The following TGS1 variants were observed in gnomAD, a reference collection of about 807,000 sequenced individuals.
TGS1 encodes trimethylguanosine synthase.
Under a neutral mutation model 92.2 loss-of-function variants are expected in TGS1, and 69 were observed. That is an observed-to-expected ratio of 0.75 (90% CI 0.62 to 0.91). TGS1 has a LOEUF of 0.91. Ranked by LOEUF, TGS1 falls within the 40% of genes least tolerant of loss-of-function variation. TGS1 has a pLI of 0.00. For synonymous variants in TGS1, 345 were observed against 338.1 expected, an observed-to-expected ratio of 1.02 and a Z score of -0.22; for missense variants, 1,062 against 1,001.2, an observed-to-expected ratio of 1.06 and a Z score of -0.82.
intron 1 of TGS1, among the ~76,000 whole-genome samples, chr8:55,777,826 A>G (rs904769033): frequency 3.3e-5 from 5 of 152,084 alleles, no homozygotes; most frequent in African/African-American, 1.2e-4. Flanking sequence ...TGTGGCTACC[A>G]TTATGTTGAT....
chr8:55,819,353 A>G (rs1331980718), intron 12 of TGS1, among the ~76,000 whole-genome samples: 2 of 137,922 alleles, frequency 1.5e-5, no homozygotes, highest in East Asian at 2.1e-4. Context: ...CTGGAGTGCA[A>G]TGGCCTGATC....
chr8:55,780,176 CTTTTT>C (rs1379304311), intron 1 of TGS1, among the ~76,000 whole-genome samples: 1 of 107,102 alleles, frequency 9.3e-6, no homozygotes, highest in African/African-American at 3.6e-5. Flanking sequence ...TTTTTTTTTT[CTTTTT>C]TTTTTTGAGT....
chr8:55,785,681 G>A (rs780644799), intron 2 of TGS1, 38 bp from the exon 3 acceptor site: 36 of 1,429,876 alleles, frequency 2.5e-5, no homozygotes, highest in Non-Finnish European at 3.2e-5. Context: ...TGCCTCTTAA[G>A]TTTTCCTTAA....
chr8:55,802,136 G>A (rs1340528385), intron 8 of TGS1, among the ~76,000 whole-genome samples: 2 of 152,172 alleles, frequency 1.3e-5, no homozygotes, highest in African/African-American at 4.8e-5. Context: ...GGAGCTTGCA[G>A]TGAGCCAAGA....
chr8:55,783,569 G>A (rs1811628388), intron 2 of TGS1, among the ~76,000 whole-genome samples: 2 of 152,168 alleles, frequency 1.3e-5, no homozygotes, highest in South Asian at 4.1e-4. Flanking sequence ...TGTCATCTTG[G>A]TTAACTTTCC....
Position 55,785,712 on chromosome 8 carries a change from T to A in TGS1, c.167-7T>A. ...CTTAAAACTAAGCTAATAAATGGTG[T>A]CTATAGGAGACCAGGCGACAGAAGA... On this transcript the variant is annotated splice_polypyrimidine_tract_variant and splice_region_variant and intron_variant, in intron 2 of 12. Transcript: ENST00000260129. 2 of 1,587,636 alleles carry A rather than the reference T, an allele frequency of 1.3e-6. No homozygotes were observed. The highest frequency in any genetic ancestry group is 1.7e-6 in the Non-Finnish European group (2 of 1,169,248).
intron 10 of TGS1, among the ~76,000 whole-genome samples, chr8:55,806,356 C>CAAAAAAA (rs1047234489): frequency 8.1e-4 from 31 of 38,314 alleles, no homozygotes; most frequent in Middle Eastern, 0.014. Flanking sequence ...GACTCCACCT[C>CAAAAAAA]AAAAAAAAAA....
intron 1 of TGS1, among the ~76,000 whole-genome samples, chr8:55,774,467 T>G (rs889524596): frequency 3.3e-5 from 5 of 152,258 alleles, no homozygotes; most frequent in African/African-American, 9.6e-5. Flanking sequence ...GATTTAAGTT[T>G]GAAGGAATTC....
intron 6 of TGS1, among the ~76,000 whole-genome samples, chr8:55,794,302 C>T (rs1163657536): frequency 6.6e-6 from 1 of 152,160 alleles, no homozygotes; most frequent in East Asian, 1.9e-4. Flanking sequence ...GTGATCCTCC[C>T]ATCTCAGCCT....
At chr8:55,817,550 G>A (rs571192785) in intron 12 of TGS1, among the ~76,000 whole-genome samples, 8 of 152,256 alleles carry the variant, frequency 5.3e-5, no homozygotes, top group African/African-American at 1.9e-4. Flanking sequence ...AATATTCTAA[G>A]TAGTTATAGT....
intron 9 of TGS1, 32 bp from the exon 10 acceptor site, chr8:55,804,861 A>G: frequency 1.2e-6 from 2 of 1,603,748 alleles, no homozygotes; most frequent in South Asian, 2.2e-5. Context: ...CTTGAAATTG[A>G]ACATGCTAAC....
At chr8:55,779,576 C>A (rs1811501892) in intron 1 of TGS1, among the ~76,000 whole-genome samples, 1 of 152,242 alleles carries the variant, frequency 6.6e-6, no homozygotes, top group African/African-American at 2.4e-5. Flanking sequence ...ACCTTGCAGT[C>A]AGTGGCAGCC....
intron 5 of TGS1, among the ~76,000 whole-genome samples, chr8:55,790,970 C>G (rs1563455976): frequency 7.4e-6 from 1 of 134,418 alleles, no homozygotes; most frequent in African/African-American, 2.9e-5. Context: ...CATATCTTCT[C>G]TCTCTCTCTC....
chr8:55,802,647 C>T, intron 9 of TGS1, 41 bp downstream of exon 9: 1 of 1,546,446 alleles, frequency 6.5e-7, no homozygotes, highest in Non-Finnish European at 8.8e-7. Flanking sequence ...TTTGAAACCA[C>T]TTCAAACTTA....
At chr8:55,812,183 A>C (rs1803357587) in intron 11 of TGS1, among the ~76,000 whole-genome samples, 1 of 152,030 alleles carries the variant, frequency 6.6e-6, no homozygotes, top group East Asian at 1.9e-4. Context: ...CTCCACCGTA[A>C]TCATCTGTTT....
intron 12 of TGS1, among the ~76,000 whole-genome samples, chr8:55,815,966 G>A (rs1803464060): frequency 6.7e-6 from 1 of 150,266 alleles, no homozygotes; most frequent in Non-Finnish European, 1.5e-5. Flanking sequence ...TTTATTTATG[G>A]AGATAGGGTT....
intron 1 of TGS1, among the ~76,000 whole-genome samples, chr8:55,776,394 C>T (rs897813526): frequency 6.6e-6 from 1 of 151,590 alleles, no homozygotes; most frequent in Admixed American, 6.6e-5. Flanking sequence ...CATTCTCCTG[C>T]CTCAGCCCAC....
intron 10 of TGS1, among the ~76,000 whole-genome samples, chr8:55,808,035 G>T (rs1046793589): frequency 6.6e-6 from 1 of 152,176 alleles, no homozygotes; most frequent in Admixed American, 6.5e-5. Flanking sequence ...TCCTTGCTCG[G>T]TCTAGTCAGA....
Position 55,799,013 on chromosome 8 carries a change from G to C in TGS1, c.1642G>C (p.Asp548His). ...DNVHDASTSSDSEEQDMSVKK... is the reference protein window; with the variant it reads ...DNVHDASTSSHSEEQDMSVKK... Reference sequence around the variant, plus strand: ...TGTGCACGACGCTTCCACAAGTAGTGATTCAGAGGAACAAGACATGTCTGT... The same window carrying C: ...TGTGCACGACGCTTCCACAAGTAGTCATTCAGAGGAACAAGACATGTCTGT... The change falls in exon 8 of 13, where the codon GAT becomes CAT. Residue 548 changes from aspartate to histidine, a missense_variant. Coordinates refer to ENST00000260129, the MANE Select transcript of TGS1 (RefSeq NM_024831.8). 6.2e-7 allele frequency: 1 copy of C among 1,614,182 alleles called. No individual in the cohort carries two copies. The highest frequency in any genetic ancestry group is 8.5e-7 in the Non-Finnish European group (1 of 1,180,016).
Sources: gnomAD v4.1 joint callset for allele counts (sites outside exome capture counted in the v4.1 genomes callset) on GRCh38, gnomAD v4.1.1 for gene constraint, MANE v1.5 for transcripts, NCBI Gene and HGNC (gene_info 2026-07-23, HGNC 2026-07-21) for gene names.